ADD3: variants seen among roughly 807,000 people sequenced by gnomAD.
ADD3 encodes the protein gamma-adducin.
In ADD3, 25 loss-of-function variants were observed where a neutral mutation model predicts 80.2. The observed-to-expected ratio is 0.31, with a 90% CI of 0.23 to 0.44. ADD3 has a LOEUF of 0.44. Ranked by LOEUF, ADD3 falls within the 20% of genes least tolerant of loss-of-function variation. The pLI, the probability that ADD3 is intolerant of heterozygous loss-of-function variation, is 1.00. For missense variants in ADD3, 829 were observed against 847.5 expected, an observed-to-expected ratio of 0.98 and a Z score of 0.27; for synonymous variants, 284 against 289.6, an observed-to-expected ratio of 0.98 and a Z score of 0.20.
At chr10:110,094,029 G>A (rs1377370630) in intron 1 of ADD3, among the ~76,000 whole-genome samples, 1 of 152,140 alleles carries the variant, frequency 6.6e-6, no homozygotes, top group African/African-American at 2.4e-5. Context: ...CTTAAAACTT[G>A]TCCCTTTGGT....
chr10:110,122,245 G>T lies in ADD3; in HGVS notation c.1096G>T (p.Val366Phe). 3.1e-6 allele frequency: 5 copies of T among 1,614,116 alleles called. No homozygotes were observed. The highest frequency in any genetic ancestry group is 4.2e-6 in the Non-Finnish European group (5 of 1,180,000). The change falls in exon 9 of 15, where the codon GTT (valine) becomes TTT (phenylalanine). Residue 366 changes from valine (V) to phenylalanine (F), a missense_variant. Transcript: ENST00000356080. ...TATGGGTTCCCATCAAAAATGGAAG[G>T]TTGGCGAAATTGAGTTTGAAGGGCT... ...VNMGSHQKWK[V>F]GEIEFEGLMR... is the part of the protein sequence containing the mutation.
chr10:110,064,888 T>C (rs1843711368), intron 1 of ADD3, among the ~76,000 whole-genome samples: 1 of 152,148 alleles, frequency 6.6e-6, no homozygotes, highest in Admixed American at 6.5e-5. Flanking sequence ...CAAAACCTTA[T>C]CTCTACAAAA....
At chr10:110,004,482 T>A (rs578017797), upstream of ADD3, among the ~76,000 whole-genome samples, 2 of 152,122 alleles carry the variant, frequency 1.3e-5, no homozygotes, top group Admixed American at 6.5e-5. Flanking sequence ...GACTAATTTT[T>A]GTATTTTTAG....
At chr10:110,033,116 A>G (rs1208611565) in intron 1 of ADD3, among the ~76,000 whole-genome samples, 2 of 152,360 alleles carry the variant, frequency 1.3e-5, no homozygotes, top group Non-Finnish European at 2.9e-5. Flanking sequence ...GTGTGTGAGC[A>G]CAGTGTTTCT....
chr10:110,028,311 C>T (rs944311967), intron 1 of ADD3, among the ~76,000 whole-genome samples: 8 of 152,178 alleles, frequency 5.3e-5, no homozygotes, highest in African/African-American at 1.2e-4. Context: ...TGGTGGCTCA[C>T]GCCTGTAATC....
chr10:110,065,561 A>T (rs1843845261), intron 1 of ADD3, among the ~76,000 whole-genome samples: 1 of 2,250 alleles, frequency 4.4e-4, no homozygotes, highest in Non-Finnish European at 2.1e-3. Flanking sequence ...TTTTTTTGAG[A>T]AAGAATCTCA....
At chr10:110,067,099 T>C (rs1844048201) in intron 1 of ADD3, among the ~76,000 whole-genome samples, 1 of 152,232 alleles carries the variant, frequency 6.6e-6, no homozygotes. Context: ...GTTAACTGTA[T>C]AGTGCCTTTT....
chr10:110,107,408 G>A (rs1564990442), intron 2 of ADD3, among the ~76,000 whole-genome samples: 1 of 152,100 alleles, frequency 6.6e-6, no homozygotes, highest in Non-Finnish European at 1.5e-5. Flanking sequence ...CAGGGCTAGA[G>A]AAGTGCAAGT....
In ADD3 at chr10:110,065,539, C is replaced by CCTTTTTTTTTTTTT. The variant is rs1843806502; in HGVS notation, c.-29-35086_-29-35085insCTTTTTTTTTTTTT. ...TTTTTTCTTAGCCTCTCTCTCTCCC[C>CCTTTTTTTTTTTTT]TTTTTTTTTTTTTTTTTTGAGAAAG... On this transcript the variant is annotated intron_variant, in intron 1 of 14. Transcript: ENST00000356080. Among the ~76,000 whole-genome samples, 17 of 31,188 alleles carry CCTTTTTTTTTTTTT rather than the reference C, an allele frequency of 5.5e-4. 1 individual carries two copies. Among genetic ancestry groups the CCTTTTTTTTTTTTT allele is most frequent in the South Asian group, 1.2e-3 (1 of 856 alleles). The allele number at this position is 31,188 out of a possible 152,430, so 20.5% of individuals were successfully genotyped here. A position where few individuals can be genotyped will look rare whatever the true frequency, so the allele number is the denominator to read the frequency against.
chr10:110,037,605 A>C (rs936386019), intron 1 of ADD3, among the ~76,000 whole-genome samples: 2 of 131,154 alleles, frequency 1.5e-5, no homozygotes, highest in Non-Finnish European at 3.2e-5. Flanking sequence ...ACTCAGTCTC[A>C]AAAAAAAAAA....
At chr10:110,022,092 A>C (rs1318436890) in intron 1 of ADD3, among the ~76,000 whole-genome samples, 1 of 152,154 alleles carries the variant, frequency 6.6e-6, no homozygotes, top group East Asian at 1.9e-4. Flanking sequence ...CCAGGTAGAA[A>C]TCAGGAGGTG....
intron 2 of ADD3, among the ~76,000 whole-genome samples, chr10:110,111,831 T>C (rs1850055420): frequency 1.3e-5 from 2 of 151,792 alleles, no homozygotes; most frequent in African/African-American, 4.8e-5. Flanking sequence ...GAGAATCGCT[T>C]CAACCCGGGA....
chr10:110,029,963 T>C (rs1480176235), intron 1 of ADD3, among the ~76,000 whole-genome samples: 3 of 152,206 alleles, frequency 2.0e-5, no homozygotes, highest in African/African-American at 7.2e-5. Flanking sequence ...TCTTATTTAT[T>C]AAAAGTTCTT....
intron 1 of ADD3, among the ~76,000 whole-genome samples, chr10:110,064,241 C>T (rs1013256965): frequency 6.6e-6 from 1 of 152,136 alleles, no homozygotes; most frequent in African/African-American, 2.4e-5. Context: ...ATCCATGCAG[C>T]TCTTTTGAGT....
At chr10:110,007,545 G>C (rs940509621), upstream of ADD3, among the ~76,000 whole-genome samples, 4 of 152,128 alleles carry the variant, frequency 2.6e-5, no homozygotes, top group Admixed American at 1.3e-4. Flanking sequence ...CTTCGCGGTC[G>C]GGTTTCTATC....
chr10:110,080,790 C>CT (rs1845972000), intron 1 of ADD3, among the ~76,000 whole-genome samples: 1 of 152,186 alleles, frequency 6.6e-6, no homozygotes, highest in African/African-American at 2.4e-5. Flanking sequence ...TCGTTAAATG[C>CT]TAAAACTGAC....
chr10:110,019,381 G>T lies in ADD3; in HGVS notation c.-30+11082G>T, dbSNP rs549721860. ...GCTTTTTTTTTTTTTTTGAGACGGA[G>T]TCTTGCTCTGTTGCCCAGGCTGGAG... On this transcript the variant is annotated intron_variant, in intron 1 of 14. Transcript: ENST00000356080. 6.1e-5 allele frequency among the ~76,000 whole-genome samples: 9 copies of T among 148,428 alleles called. No individual in the cohort carries two copies. In the South Asian group the frequency reaches 1.9e-3, roughly 31 times the overall value.
At chr10:110,120,759 G>T (rs912622562) in intron 8 of ADD3, among the ~76,000 whole-genome samples, 3 of 152,108 alleles carry the variant, frequency 2.0e-5, no homozygotes, top group African/African-American at 7.2e-5. Context: ...ATACTACAAG[G>T]CTACAGTAAC....
intron 1 of ADD3, among the ~76,000 whole-genome samples, chr10:110,053,907 C>T (rs1460322759): frequency 1.3e-5 from 2 of 152,124 alleles, no homozygotes; most frequent in Non-Finnish European, 2.9e-5. Flanking sequence ...ATGCCAAGTT[C>T]TATGTACGAA....
Sources: gnomAD v4.1 joint callset for allele counts (sites outside exome capture counted in the v4.1 genomes callset) on GRCh38, gnomAD v4.1.1 for gene constraint, MANE v1.5 for transcripts, NCBI Gene and HGNC (gene_info 2026-07-23, HGNC 2026-07-21) for gene names.